TTC28: variants seen among roughly 807,000 people sequenced by gnomAD.
TTC28 encodes tetratricopeptide repeat domain 28.
Under a neutral mutation model 198.0 loss-of-function variants are expected in TTC28, and 61 were observed. The observed-to-expected ratio is 0.31, with a 90% CI of 0.25 to 0.38. The LOEUF (loss-of-function observed/expected upper bound fraction) is 0.38, where lower values mean the gene tolerates loss of function less well. Ranked by LOEUF, TTC28 falls within the 10% of genes least tolerant of loss-of-function variation. TTC28 has a pLI of 1.00. For synonymous variants in TTC28, 1,171 were observed against 1,297.8 expected (o/e 0.90, Z 2.10); for missense variants, 2,678 against 3,164.0 (o/e 0.85, Z 3.69).
intron 5 of TTC28, among the ~76,000 whole-genome samples, chr22:28,225,576 G>T (rs1388864709): frequency 6.6e-6 from 1 of 152,104 alleles, no homozygotes; most frequent in African/African-American, 2.4e-5. Flanking sequence ...ACCTAAAGAA[G>T]GGTAGAATTG....
intron 5 of TTC28, among the ~76,000 whole-genome samples, chr22:28,257,754 ATAT>A: frequency 2.5e-5 from 1 of 40,010 alleles, no homozygotes; most frequent in South Asian, 1.5e-3. Context: ...ATATATATAT[ATAT>A]ATATATATAT....
chr22:28,626,140 A>C (rs2051073602), intron 2 of TTC28, among the ~76,000 whole-genome samples: 1 of 152,178 alleles, frequency 6.6e-6, no homozygotes, highest in African/African-American at 2.4e-5. Flanking sequence ...ACATAAAAAG[A>C]AGAAACATAA....
chr22:28,633,174 G>A (rs1436290121), intron 1 of TTC28, among the ~76,000 whole-genome samples: 1 of 151,534 alleles, frequency 6.6e-6, no homozygotes, highest in Non-Finnish European at 1.5e-5. Flanking sequence ...CAGCTACTCA[G>A]GAGGCTGAGG....
chr22:28,094,056 A>G, intron 12 of TTC28, 24 bp downstream of exon 12: 2 of 1,504,672 alleles, frequency 1.3e-6, no homozygotes, highest in Non-Finnish European at 1.8e-6. Context: ...CTGAAAATGG[A>G]CTTGGGGATG....
intron 2 of TTC28, among the ~76,000 whole-genome samples, chr22:28,511,777 C>T (rs562945107): frequency 6.6e-6 from 1 of 151,276 alleles, no homozygotes; most frequent in South Asian, 2.1e-4. Flanking sequence ...GAGATCATGC[C>T]ACTGCACTCC....
chr22:28,084,464 G>C (rs1234031286), intron 12 of TTC28, among the ~76,000 whole-genome samples: 2 of 152,108 alleles, frequency 1.3e-5, no homozygotes, highest in African/African-American at 4.8e-5. Context: ...TCTGTTAGAA[G>C]GAAAACTAAC....
At chr22:28,512,444 T>A (rs376671181) in intron 2 of TTC28, among the ~76,000 whole-genome samples, 3 of 152,320 alleles carry the variant, frequency 2.0e-5, no homozygotes, top group South Asian at 2.1e-4. Flanking sequence ...CAAAGGAATA[T>A]AAACCATTCT....
chr22:28,218,249 T>A (rs1256526222), intron 5 of TTC28, among the ~76,000 whole-genome samples: 1 of 152,220 alleles, frequency 6.6e-6, no homozygotes. Context: ...ACATTATGCA[T>A]TGGCTATTGG....
chr22:28,189,067 T>C (rs1601447224), intron 5 of TTC28, among the ~76,000 whole-genome samples: 2 of 152,232 alleles, frequency 1.3e-5, no homozygotes, highest in African/African-American at 4.8e-5. Flanking sequence ...CAAAGTATTG[T>C]TGGGCACAGT....
chr22:28,085,513 A>G (rs1243173661), intron 12 of TTC28, among the ~76,000 whole-genome samples: 2 of 152,188 alleles, frequency 1.3e-5, no homozygotes, highest in African/African-American at 4.8e-5. Flanking sequence ...TGAAGGAAGC[A>G]CTAAACATGG....
At chr22:28,312,506 ACTGT>A (rs1170405882) in intron 2 of TTC28, among the ~76,000 whole-genome samples, 3 of 152,182 alleles carry the variant, frequency 2.0e-5, no homozygotes, top group Admixed American at 2.0e-4. Flanking sequence ...ATCACAACAA[ACTGT>A]CTCTCAGACC....
Position 27,993,522 on chromosome 22 carries a change from AG to A in TTC28, c.5245-5del. On this transcript the variant is annotated splice_polypyrimidine_tract_variant and splice_region_variant and intron_variant, in intron 17 of 22. Coordinates refer to ENST00000397906, the MANE Select transcript of TTC28 (RefSeq NM_001145418.2). ...TGCGCTGCAGGGATTTCTCCACCTG[AG>A]GGGGAATTGGGGGTGAGTCAGAGAC... 1 of 1,538,454 alleles carries A rather than the reference AG, an allele frequency of 6.5e-7. No individual in the cohort carries two copies.
Position 27,982,374 on chromosome 22 carries a change from G to A in TTC28, c.7293C>T (p.Asn2431=), listed in dbSNP as rs939203837. 30 of 1,549,652 alleles carry A rather than the reference G, an allele frequency of 1.9e-5. No individual in the cohort carries two copies. Among genetic ancestry groups the A allele is most frequent in the African/African-American group, 9.6e-5 (7 of 72,846 alleles). Residue 2431 remains asparagine (N), a synonymous_variant, in exon 23 of 23, where the codon AAC becomes AAT. Transcript: ENST00000397906. This position sits in a 1 kb window ranked among gnomAD's most constrained non-coding sequence, Gnocchi z 5.2. ...HDGAPPKAPP[N]GHWRTETTSL... ...AGGTGGTCTCGGTGCGCCAGTGTCC[G>A]TTGGGAGGGGCTTTCGGTGGAGCTC... is the stretch of plus-strand genomic sequence containing the variant.
chr22:28,229,580 T>C (rs1394865578), intron 5 of TTC28, among the ~76,000 whole-genome samples: 1 of 152,216 alleles, frequency 6.6e-6, no homozygotes, highest in Non-Finnish European at 1.5e-5. Context: ...TATTTGAGGC[T>C]ATATAAAGTC....
intron 2 of TTC28, among the ~76,000 whole-genome samples, chr22:28,348,874 A>G (rs2045948474): frequency 1.3e-5 from 2 of 152,186 alleles, no homozygotes; most frequent in African/African-American, 4.8e-5. Context: ...CTCACTCTTA[A>G]AAGAATCGTC....
chr22:28,126,548 G>A (rs1294775189), intron 6 of TTC28, among the ~76,000 whole-genome samples: 1 of 152,156 alleles, frequency 6.6e-6, no homozygotes, highest in Non-Finnish European at 1.5e-5. Context: ...TCCCCACTAT[G>A]TTGATTTAGA....
intron 12 of TTC28, among the ~76,000 whole-genome samples, chr22:28,038,835 C>A (rs993925833): frequency 1.3e-4 from 20 of 152,266 alleles, no homozygotes; most frequent in Admixed American, 1.0e-3. Flanking sequence ...AAATAACAAA[C>A]AACCCCATCA....
intron 5 of TTC28, among the ~76,000 whole-genome samples, chr22:28,199,073 ATCTT>A (rs1273844188): frequency 6.6e-6 from 1 of 152,006 alleles, no homozygotes; most frequent in Non-Finnish European, 1.5e-5. Flanking sequence ...TGCAATCCAA[ATCTT>A]TCTTTAAAAG....
intron 6 of TTC28, among the ~76,000 whole-genome samples, chr22:28,110,714 C>T (rs549139244): frequency 3.3e-5 from 5 of 152,048 alleles, no homozygotes; most frequent in African/African-American, 7.2e-5. Flanking sequence ...GCAAGAGGAT[C>T]GCTTGAGCTT....
Sources: gnomAD v4.1 joint callset for allele counts (sites outside exome capture counted in the v4.1 genomes callset) on GRCh38, gnomAD v4.1.1 for gene constraint, Gnocchi (gnomAD v3.1) non-coding constraint, MANE v1.5 for transcripts, NCBI Gene and HGNC (gene_info 2026-07-23, HGNC 2026-07-21) for gene names.